The following GRIN2B variants were observed in gnomAD, a reference collection of about 807,000 sequenced individuals.
GRIN2B encodes glutamate ionotropic receptor NMDA type subunit 2B.
A neutral mutation model predicts 114.5 loss-of-function variants in GRIN2B; 5 were observed. That is an observed-to-expected ratio of 0.04 (90% CI 0.02 to 0.09). The LOEUF (loss-of-function observed/expected upper bound fraction) is 0.09. Among genes scored for constraint, GRIN2B ranks in the 10% least tolerant of loss-of-function variants. The pLI is 1.00. For missense variants in GRIN2B, 1,108 were observed against 1,943.5 expected (o/e 0.57, Z 8.08); for synonymous variants, 787 against 745.1 (o/e 1.06, Z -0.92).
intron 10 of GRIN2B, among the ~76,000 whole-genome samples, chr12:13,575,093 A>C (rs2136419763): frequency 6.6e-6 from 1 of 152,352 alleles, no homozygotes; most frequent in Admixed American, 6.5e-5. Context: ...TAGAATTATA[A>C]AACTTATAGA....
At chr12:13,749,107 T>A (rs1003129983) in intron 4 of GRIN2B, among the ~76,000 whole-genome samples, 2 of 152,256 alleles carry the variant, frequency 1.3e-5, no homozygotes, top group Non-Finnish European at 2.9e-5. Flanking sequence ...TGATAAGTAA[T>A]GTTCATTTGA....
intron 3 of GRIN2B, among the ~76,000 whole-genome samples, chr12:13,858,424 A>G (rs1450943883): frequency 2.6e-5 from 4 of 152,226 alleles, no homozygotes; most frequent in Admixed American, 6.5e-5. Context: ...TACAGAATCA[A>G]AATACAATTT....
At chr12:13,688,535 G>T (rs1322464840) in intron 4 of GRIN2B, among the ~76,000 whole-genome samples, 1 of 152,150 alleles carries the variant, frequency 6.6e-6, no homozygotes, top group Non-Finnish European at 1.5e-5. Context: ...GAAATTGAAT[G>T]AATTTGCCTT....
At chr12:13,692,760 C>CTTTCTTTCTTTTTTTTTTTT (rs1427827056) in intron 4 of GRIN2B, among the ~76,000 whole-genome samples, 2 of 52,128 alleles carry the variant, frequency 3.8e-5, no homozygotes, top group African/African-American at 1.9e-4. Flanking sequence ...TCTTTCTTTT[C>CTTTCTTTCTTTTTTTTTTTT]TTTTTTTTTT....
In GRIN2B at chr12:13,562,436, A is replaced by C; in HGVS notation, c.*347T>G. 1 of 282,748 alleles carries C rather than the reference A, an allele frequency of 3.5e-6. No individual in the cohort carries two copies. Among genetic ancestry groups the C allele is most frequent in the Non-Finnish European group, 6.7e-6 (1 of 149,378 alleles). The allele number at this position is 282,748 out of a possible 1,614,324, so 17.5% of individuals were successfully genotyped here. ...TTTTTGGTTCTCCCAGCTTCACTCA[A>C]AGAGGATATCAAGGAGCTCTTCCAC... is the stretch of plus-strand genomic sequence containing the variant. On this transcript the variant is annotated 3_prime_UTR_variant, in exon 14 of 14. Transcript: ENST00000609686.
In GRIN2B at chr12:13,808,331, T is replaced by C. The variant is rs543865540; in HGVS notation, c.412-54416A>G. 2.1e-3 allele frequency among the ~76,000 whole-genome samples: 325 copies of C among 152,268 alleles called. 2 individuals carry two copies. Among genetic ancestry groups the C allele is most frequent in the Non-Finnish European group, 3.7e-3 (250 of 68,020 alleles). Reference sequence around the variant, plus strand: ...CCTGATCCCAATTCACACAACTTTCTGGTAGAAGGGCTCTAATGGCCCAAC... The same window carrying C: ...CCTGATCCCAATTCACACAACTTTCCGGTAGAAGGGCTCTAATGGCCCAAC... On this transcript the variant is annotated intron_variant, in intron 3 of 13. Transcript: ENST00000609686.
chr12:13,636,690 T>C (rs1949668987), intron 5 of GRIN2B, among the ~76,000 whole-genome samples: 1 of 152,206 alleles, frequency 6.6e-6, no homozygotes, highest in African/African-American at 2.4e-5. Context: ...TGACATTTAC[T>C]GAGACAGATC....
chr12:13,686,318 C>A (rs572668765), intron 4 of GRIN2B, among the ~76,000 whole-genome samples: 1 of 152,070 alleles, frequency 6.6e-6, no homozygotes, highest in Admixed American at 6.6e-5. Context: ...TCAAACCAAA[C>A]CCCATTTCCT....
chr12:13,906,367 C>G (rs1268028330), intron 2 of GRIN2B, among the ~76,000 whole-genome samples: 1 of 152,192 alleles, frequency 6.6e-6, no homozygotes, highest in Non-Finnish European at 1.5e-5. Context: ...AAGGGCAATT[C>G]TTGTACCACT....
chr12:13,658,180 C>G (rs1949885927), intron 5 of GRIN2B, among the ~76,000 whole-genome samples: 1 of 151,554 alleles, frequency 6.6e-6, no homozygotes, highest in Non-Finnish European at 1.5e-5. Flanking sequence ...GCACTCCAGC[C>G]TGGGCAACAA....
rs577967246 is a variant in GRIN2B, at chr12:13,747,073, G to C, written c.1010+6244C>G. ...TTGAACTTTATCGAAATGCAAAAAG[G>C]AGGAAGGCGAAGAGAAAAATAAAAG... On this transcript the variant is annotated intron_variant, in intron 4 of 13. Transcript: ENST00000609686. 1.5e-4 allele frequency among the ~76,000 whole-genome samples: 23 copies of C among 152,292 alleles called. No homozygotes were observed. In the East Asian group the frequency reaches 4.3e-3, roughly 28 times the overall value.
chr12:13,615,816 TA>T lies in GRIN2B; in HGVS notation c.1329-153del. On this transcript the variant is annotated intron_variant, in intron 6 of 13. Transcript: ENST00000609686. The surrounding 1 kb of genome is among the most constrained non-coding windows in gnomAD (Gnocchi z 5.8). ...TTTATACTAGACTCGAGTGAAGAAA[TA>T]AAGCAGGCAACAGACCTGCAATATT... 1 of 704,686 alleles carries T rather than the reference TA, an allele frequency of 1.4e-6. No individual in the cohort carries two copies. The highest frequency in any genetic ancestry group is 1.5e-5 in the South Asian group (1 of 64,560). The allele number at this position is 704,686 out of a possible 1,614,324, so 43.7% of individuals were successfully genotyped here.
intron 2 of GRIN2B, among the ~76,000 whole-genome samples, chr12:13,873,664 G>T (rs1865948293): frequency 6.6e-6 from 1 of 152,138 alleles, no homozygotes; most frequent in African/African-American, 2.4e-5. Context: ...AGAGTCTGGG[G>T]CATGGAGGCA....
chr12:13,777,405 A>T (rs561137525), intron 3 of GRIN2B, among the ~76,000 whole-genome samples: 9 of 152,190 alleles, frequency 5.9e-5, no homozygotes, highest in African/African-American at 2.2e-4. Context: ...AGTCCACCTC[A>T]CCTGTGCCAG....
chr12:13,898,139 G>C lies in GRIN2B; in HGVS notation c.-18-31913C>G, dbSNP rs114173929. Among the ~76,000 whole-genome samples, 468 of 152,248 alleles carry C rather than the reference G, an allele frequency of 3.1e-3. 3 individuals carry two copies. Among genetic ancestry groups the C allele is most frequent in the African/African-American group, 0.01 (426 of 41,570 alleles). ...GACAGTGAATATAGACAGGGGTTAA[G>C]TGTGTTACTCTCCTCTTTCTAAGCA... On this transcript the variant is annotated intron_variant, in intron 2 of 13. Coordinates refer to ENST00000609686, the MANE Select transcript of GRIN2B (RefSeq NM_000834.5).
chr12:13,868,342 G>T (rs1865857311), intron 2 of GRIN2B, among the ~76,000 whole-genome samples: 1 of 152,032 alleles, frequency 6.6e-6, no homozygotes, highest in Non-Finnish European at 1.5e-5. Context: ...AACAGGGCCT[G>T]AATTCCTCCT....
chr12:13,662,822 T>G (rs577840031), intron 5 of GRIN2B, among the ~76,000 whole-genome samples: 30 of 152,314 alleles, frequency 2.0e-4, no homozygotes, highest in South Asian at 1.2e-3. Context: ...GGCTACTGGC[T>G]CTGTCCTCCA....
intron 4 of GRIN2B, among the ~76,000 whole-genome samples, chr12:13,697,108 T>C (rs1432482328): frequency 2.0e-5 from 3 of 152,006 alleles, no homozygotes; most frequent in African/African-American, 7.2e-5. Flanking sequence ...TGAGGTTTAT[T>C]CCCCCACCCC....
At position 13,753,524 on chromosome 12, in the gene GRIN2B, G is replaced by T; in HGVS notation, c.803C>A (p.Thr268Lys). The change falls in exon 4 of 14, where the codon ACA (threonine) becomes AAA (lysine). Residue 268 changes from threonine to lysine, a missense_variant. Physicochemically the swap from Thr to Lys is moderately conservative, Grantham distance 78 (BLOSUM62 -1). Transcript: ENST00000609686. This position sits in a 1 kb window ranked among gnomAD's most constrained non-coding sequence, Gnocchi z 6.2. ...VPSLVAGDTD[T>K]VPAEFPTGLI... ...CCCAGTGGGGAACTCCGCAGGCACTGTGTCTGTATCCCCTGCCACCAGACT... is the reference window on the plus strand; with the variant it reads ...CCCAGTGGGGAACTCCGCAGGCACTTTGTCTGTATCCCCTGCCACCAGACT... The T allele has an allele frequency of 6.2e-7, 1 of 1,614,140 alleles. No homozygotes were observed.
Sources: allele counts gnomAD v4.1 joint callset (sites outside exome capture counted in the v4.1 genomes callset), GRCh38; gene constraint gnomAD v4.1.1; non-coding constraint Gnocchi (gnomAD v3.1); transcripts MANE v1.5; gene names NCBI Gene and HGNC (gene_info 2026-07-23, HGNC 2026-07-21).